Variants in PTPRF observed in about 807,000 individuals in gnomAD.
PTPRF encodes receptor-type tyrosine-protein phosphatase F.
A neutral mutation model predicts 201.8 loss-of-function variants in PTPRF; 59 were observed. That is an observed-to-expected ratio of 0.29 (90% confidence interval 0.24 to 0.36). The LOEUF (loss-of-function observed/expected upper bound fraction) is 0.36. PTPRF is among the 10% of genes least tolerant of loss of function. PTPRF has a pLI of 1.00. For missense variants in PTPRF, 2,132 were observed against 2,690.5 expected, an observed-to-expected ratio of 0.79 and a Z score of 4.59; for synonymous variants, 1,088 against 1,089.7, an observed-to-expected ratio of 1.00 and a Z score of 0.03.
intron 11 of PTPRF, among the ~76,000 whole-genome samples, chr1:43,595,325 C>T (rs1362708495): frequency 1.3e-5 from 2 of 152,140 alleles, no homozygotes; most frequent in Non-Finnish European, 2.9e-5. Flanking sequence ...GGTGATTCTC[C>T]TGCCTCAGCC....
chr1:43,540,469 G>A (rs963623518), intron 2 of PTPRF, among the ~76,000 whole-genome samples: 1 of 152,154 alleles, frequency 6.6e-6, no homozygotes, highest in East Asian at 1.9e-4. Context: ...ACAAAGTTGG[G>A]AAACAGTAAT....
chr1:43,602,286 A>G (rs902645414), intron 14 of PTPRF, among the ~76,000 whole-genome samples, 189 bp downstream of exon 14: 2 of 152,148 alleles, frequency 1.3e-5, no homozygotes, highest in African/African-American at 4.8e-5. Flanking sequence ...TCTAATCCTT[A>G]CTTCTTGCCT....
chr1:43,563,173 A>G (rs887484138), intron 5 of PTPRF, among the ~76,000 whole-genome samples: 3 of 87,814 alleles, frequency 3.4e-5, no homozygotes, highest in Non-Finnish European at 5.7e-5. Context: ...GCGAGACTCC[A>G]TCTCAAAAAA....
At position 43,553,548 on chromosome 1, in the gene PTPRF, G is replaced by A; in HGVS notation, c.148G>A (p.Ala50Thr). 1 of 1,613,972 alleles carries A rather than the reference G, an allele frequency of 6.2e-7. No individual in the cohort carries two copies. The highest frequency in any genetic ancestry group is 8.5e-7 in the Non-Finnish European group (1 of 1,179,824). Residue 50 changes from alanine (A) to threonine (T), a missense_variant, in exon 4 of 34, where the codon GCC becomes ACC. Ala to Thr is a moderately conservative substitution (Grantham distance 58, BLOSUM62 0). Transcript: ENST00000359947. The surrounding 1 kb of genome is among the most constrained non-coding windows in gnomAD (Gnocchi z 4.1). The part of the protein sequence containing the change: ...EDQTGLSGGV[A>T]SFVCQATGEP... ...CCAGACTGGGCTGTCAGGAGGGGTA[G>A]CCTCCTTCGTGTGCCAAGCTACAGG... is the stretch of plus-strand genomic sequence containing the variant.
intron 1 of PTPRF, among the ~76,000 whole-genome samples, 186 bp from the exon 2 acceptor site, chr1:43,538,012 G>A (rs1364624586): frequency 3.3e-5 from 5 of 152,184 alleles, no homozygotes; most frequent in African/African-American, 1.2e-4. Context: ...GTATCAAAAT[G>A]AATGAGCGAG....
In PTPRF at chr1:43,569,293, C is replaced by T. The variant is rs1396521507; in HGVS notation, c.380-297C>T. Among the ~76,000 whole-genome samples, 4 of 149,320 alleles carry T rather than the reference C, an allele frequency of 2.7e-5. No homozygotes were observed. The East Asian group carries it at 6.1e-4, about 23-fold the overall frequency. ...CTGTGACCAGCAGAGCATTGATTCT[C>T]GTTCTTCTCAGGGCCTGGAGAGATA... On this transcript the variant is annotated intron_variant, in intron 5 of 33. Coordinates refer to ENST00000359947, the MANE Select transcript of PTPRF (RefSeq NM_002840.5).
At position 43,622,226 on chromosome 1, in the gene PTPRF, T is replaced by C; in HGVS notation, c.*223T>C. The C allele has an allele frequency of 1.8e-6, 1 of 564,708 alleles. No individual in the cohort carries two copies. Among genetic ancestry groups the C allele is most frequent in the Non-Finnish European group, 3.2e-6 (1 of 317,440 alleles). 35.0% of individuals were successfully genotyped at this position (564,708 alleles called of 1,614,324 possible). ...GCCCAGCAGGCAGGCACTGTGGCCCTTCTGTCCACCAGACCCACCTGGAGC... is the reference window on the plus strand; with the variant it reads ...GCCCAGCAGGCAGGCACTGTGGCCCCTCTGTCCACCAGACCCACCTGGAGC... On this transcript the variant is annotated 3_prime_UTR_variant, in exon 34 of 34. Transcript: ENST00000359947.
chr1:43,609,680 C>G (rs760156749), intron 22 of PTPRF, among the ~76,000 whole-genome samples, 182 bp downstream of exon 22: 70 of 152,212 alleles, frequency 4.6e-4, no homozygotes, highest in Non-Finnish European at 9.7e-4. Flanking sequence ...CTGGGGAGCC[C>G]CCATATCCTG....
intron 23 of PTPRF, among the ~76,000 whole-genome samples, chr1:43,616,014 C>CT (rs1033429760): frequency 5.9e-5 from 9 of 152,188 alleles, no homozygotes; most frequent in African/African-American, 1.7e-4. Context: ...ATATGTGACT[C>CT]TGACAGCATG....
chr1:43,603,572 C>T lies in PTPRF; in HGVS notation c.2458+39C>T, dbSNP rs529731580. The T allele has an allele frequency of 6.2e-7, 1 of 1,612,524 alleles. No individual in the cohort carries two copies. Among genetic ancestry groups the T allele is most frequent in the South Asian group, 1.1e-5 (1 of 91,048 alleles). ...CAGGACGGACCTGAGGGTGGGGCAG[C>T]AGGAGGGCAGCGCCAGAGCCCAGCC... On this transcript the variant is annotated intron_variant, in intron 15 of 33. Coordinates refer to ENST00000359947, the MANE Select transcript of PTPRF (RefSeq NM_002840.5). This position sits in a 1 kb window ranked among gnomAD's most constrained non-coding sequence, Gnocchi z 5.8.
chr1:43,605,461 C>T lies in PTPRF; in HGVS notation c.3389+18C>T, dbSNP rs377038543. On this transcript the variant is annotated intron_variant, in intron 18 of 33. Transcript: ENST00000359947. ...CTTGTCAGGTGTGCACACGAGGTAT[C>T]GGGGGAGGCGGGGCAGGGCTGGAGG... 1.3e-4 allele frequency: 205 copies of T among 1,610,026 alleles called. No individual in the cohort carries two copies. The highest frequency in any genetic ancestry group is 3.6e-4 in the African/African-American group (27 of 74,880).
At chr1:43,612,093 G>A (rs988406385) in intron 22 of PTPRF, among the ~76,000 whole-genome samples, 3 of 152,180 alleles carry the variant, frequency 2.0e-5, no homozygotes, top group East Asian at 1.9e-4. Context: ...ACAGCCAGAC[G>A]AGAGCAGGAG....
At chr1:43,565,005 A>G (rs1046481473) in intron 5 of PTPRF, among the ~76,000 whole-genome samples, 26 of 152,102 alleles carry the variant, frequency 1.7e-4, no homozygotes, top group African/African-American at 6.0e-4. Context: ...CAGGACCCCA[A>G]CACATGCCCC....
At chr1:43,551,983 A>G (rs1645064628) in intron 3 of PTPRF, among the ~76,000 whole-genome samples, 2 of 152,018 alleles carry the variant, frequency 1.3e-5, no homozygotes, top group East Asian at 1.9e-4. Flanking sequence ...CCCCGCTCCC[A>G]TAGACCCTCT....
At chr1:43,615,185 A>G (rs950130219) in intron 23 of PTPRF, among the ~76,000 whole-genome samples, 2 of 152,202 alleles carry the variant, frequency 1.3e-5, no homozygotes, top group Non-Finnish European at 2.9e-5. Flanking sequence ...TGGCAGGCAA[A>G]TGGATGAGTA....
At chr1:43,618,252 A>G (rs1658352485) in intron 25 of PTPRF, among the ~76,000 whole-genome samples, 1 of 152,074 alleles carries the variant, frequency 6.6e-6, no homozygotes, top group Non-Finnish European at 1.5e-5. Flanking sequence ...CACATCTCCT[A>G]AGTTAATTAG....
intron 5 of PTPRF, among the ~76,000 whole-genome samples, chr1:43,558,652 C>G (rs1569889220): frequency 6.6e-6 from 1 of 152,220 alleles, no homozygotes; most frequent in Non-Finnish European, 1.5e-5. Flanking sequence ...GCTCTTCTCG[C>G]TCCGCACTCT....
At position 43,613,618 on chromosome 1, in the gene PTPRF, G is replaced by A. The variant is rs1657021226; in HGVS notation, c.3974G>A (p.Gly1325Asp). ...EMRRLNYQTP[G>D]MRDHPPIPIT... ...CCTGTGTATGCCCTACCTCCCCTAG[G>A]TATGCGAGACCACCCACCCATCCCC... The change falls in exon 23 of 34, where the codon GGT becomes GAT. Residue 1325 changes from glycine (G) to aspartate (D), a missense_variant and splice_region_variant. Around this residue, in one of 6 missense-constraint regions of PTPRF, gnomAD observed 818 missense variants for 915.3 expected, o/e 0.89. Transcript: ENST00000359947. 1 of 1,613,712 alleles carries A rather than the reference G, an allele frequency of 6.2e-7. No individual in the cohort carries two copies. The highest frequency in any genetic ancestry group is 8.5e-7 in the Non-Finnish European group (1 of 1,179,612).
At position 43,622,341 on chromosome 1, in the gene PTPRF, A is replaced by G. The variant is rs902848024; in HGVS notation, c.*338A>G. On this transcript the variant is annotated 3_prime_UTR_variant, in exon 34 of 34. Transcript: ENST00000359947. Reference sequence around the variant, plus strand: ...GCAAAGCCTCCTTTTTAATACATTAAGTGGGGTAGACTGAGGGATTTTAGC... The same window carrying G: ...GCAAAGCCTCCTTTTTAATACATTAGGTGGGGTAGACTGAGGGATTTTAGC... The G allele has an allele frequency of 3.1e-6, 1 of 318,758 alleles. No individual in the cohort carries two copies. Among genetic ancestry groups the G allele is most frequent in the Admixed American group, 4.6e-5 (1 of 21,840 alleles). 19.7% of individuals were successfully genotyped at this position (318,758 alleles called of 1,614,324 possible).
Sources: allele counts gnomAD v4.1 joint callset (sites outside exome capture counted in the v4.1 genomes callset), GRCh38; gene constraint gnomAD v4.1.1; regional missense constraint gnomAD v4.1.1; non-coding constraint Gnocchi (gnomAD v3.1); transcripts MANE v1.5; gene names NCBI Gene and HGNC (gene_info 2026-07-23, HGNC 2026-07-21).